Variants in PRR16 observed in about 807,000 individuals in gnomAD.
PRR16 encodes protein Largen.
Under a neutral mutation model 18.2 loss-of-function variants are expected in PRR16, and 6 were observed. The ratio of observed to expected loss-of-function variants is 0.33; its 90% CI spans 0.18 to 0.65. The LOEUF (loss-of-function observed/expected upper bound fraction) is 0.65, where lower values mean the gene tolerates loss of function less well. Ranked by LOEUF, PRR16 falls within the 30% of genes least tolerant of loss-of-function variation. The probability of loss-of-function intolerance (pLI) is 0.74; values close to 1 mark genes in which losing one functional copy is unlikely to be tolerated. For synonymous variants in PRR16, 151 were observed against 147.8 expected (o/e 1.02, Z -0.16); for missense variants, 412 against 376.6 (o/e 1.09, Z -0.78).
At chr5:120,533,510 T>C (rs1294497309) in intron 1 of PRR16, among the ~76,000 whole-genome samples, 2 of 152,204 alleles carry the variant, frequency 1.3e-5, no homozygotes, top group East Asian at 3.8e-4. Flanking sequence ...ATAAGTGCTA[T>C]TTTCAGTAGA....
At chr5:120,522,553 T>A (rs192112350) in intron 1 of PRR16, among the ~76,000 whole-genome samples, 2 of 152,290 alleles carry the variant, frequency 1.3e-5, no homozygotes, top group African/African-American at 4.8e-5. Context: ...GTTAAAGTTC[T>A]TTGTAGATTC....
At chr5:120,633,451 C>A (rs1179899731) in intron 1 of PRR16, among the ~76,000 whole-genome samples, 2 of 152,100 alleles carry the variant, frequency 1.3e-5, no homozygotes, top group Non-Finnish European at 2.9e-5. Flanking sequence ...AACTCGCCAA[C>A]CAAGTTTCTG....
downstream of PRR16, among the ~76,000 whole-genome samples, chr5:120,689,703 C>A (rs1247285953): frequency 6.7e-6 from 1 of 150,302 alleles, no homozygotes; most frequent in Non-Finnish European, 1.5e-5. Flanking sequence ...AAAAATAGGA[C>A]ATATTTCAAA....
chr5:120,537,769 GTTT>G (rs71623210), intron 1 of PRR16, among the ~76,000 whole-genome samples: 22 of 115,164 alleles, frequency 1.9e-4, no homozygotes, highest in African/African-American at 5.3e-4. Flanking sequence ...AATTTTTAAT[GTTT>G]TTTTTTTTTT....
chr5:120,758,126 G>A, the PRR16 span, among the ~76,000 whole-genome samples: 62 of 152,070 alleles, frequency 4.1e-4, no homozygotes, highest in African/African-American at 1.5e-3. Flanking sequence ...GTAGGTATTT[G>A]TAATTATGCA....
the PRR16 span, among the ~76,000 whole-genome samples, chr5:120,723,967 T>C: frequency 1.3e-4 from 20 of 151,214 alleles, no homozygotes; most frequent in Admixed American, 7.2e-4. Context: ...CAGACAATTA[T>C]GGCATTAAAA....
intron 1 of PRR16, among the ~76,000 whole-genome samples, chr5:120,636,654 G>A (rs1580814667): frequency 6.6e-6 from 1 of 151,950 alleles, no homozygotes; most frequent in Non-Finnish European, 1.5e-5. Flanking sequence ...AAAGACTTAA[G>A]TCTAAGACCT....
chr5:120,634,696 C>T (rs1755169687), intron 1 of PRR16, among the ~76,000 whole-genome samples: 1 of 151,952 alleles, frequency 6.6e-6, no homozygotes, highest in African/African-American at 2.4e-5. Flanking sequence ...GGTCAGACTT[C>T]ATGAAATTGG....
intron 1 of PRR16, among the ~76,000 whole-genome samples, chr5:120,670,348 A>G (rs1477984077): frequency 6.6e-6 from 1 of 152,104 alleles, no homozygotes. Context: ...TCTTTCTGGG[A>G]TTTGGCAACA....
At chr5:120,780,817 G>A in the PRR16 span, among the ~76,000 whole-genome samples, 3 of 152,158 alleles carry the variant, frequency 2.0e-5, no homozygotes, top group African/African-American at 4.8e-5. Context: ...CTGGGAGGCC[G>A]AGGCGGGGGG....
At chr5:120,619,847 A>G (rs969583509) in intron 1 of PRR16, among the ~76,000 whole-genome samples, 1 of 152,070 alleles carries the variant, frequency 6.6e-6, no homozygotes, top group Non-Finnish European at 1.5e-5. Context: ...TTAATAAGAC[A>G]CAGTTCTACC....
intron 1 of PRR16, among the ~76,000 whole-genome samples, chr5:120,520,971 T>A (rs1220282161): frequency 6.6e-6 from 1 of 152,184 alleles, no homozygotes; most frequent in Non-Finnish European, 1.5e-5. Context: ...ACAAGAGGCT[T>A]ATTAGAAGTG....
At chr5:120,747,268 T>A in the PRR16 span, among the ~76,000 whole-genome samples, 3 of 152,210 alleles carry the variant, frequency 2.0e-5, no homozygotes, top group African/African-American at 4.8e-5. Flanking sequence ...AACAGTTGAT[T>A]AACTGACCTA....
At chr5:120,737,025 G>A in the PRR16 span, among the ~76,000 whole-genome samples, 1 of 152,114 alleles carries the variant, frequency 6.6e-6, no homozygotes, top group South Asian at 2.1e-4. Context: ...CTACACAGAA[G>A]GTCATGTCAT....
At chr5:120,629,964 T>G (rs879690882) in intron 1 of PRR16, among the ~76,000 whole-genome samples, 1 of 152,042 alleles carries the variant, frequency 6.6e-6, no homozygotes, top group Non-Finnish European at 1.5e-5. Flanking sequence ...GTTTTCAAGA[T>G]CTTTTATTTT....
chr5:120,670,848 A>G (rs1011654996), intron 1 of PRR16, among the ~76,000 whole-genome samples: 6 of 152,092 alleles, frequency 3.9e-5, no homozygotes, highest in Admixed American at 1.3e-4. Flanking sequence ...GTAATCTCCC[A>G]ATTTGTATCA....
chr5:120,530,281 A>ATATATATATATATATATT (rs1447791509), intron 1 of PRR16, among the ~76,000 whole-genome samples: 5 of 92,682 alleles, frequency 5.4e-5, no homozygotes, highest in African/African-American at 8.5e-5. Flanking sequence ...ATATATATAT[A>ATATATATATATATATATT]TATTTATTTA....
the PRR16 span, among the ~76,000 whole-genome samples, chr5:120,781,015 C>T: frequency 6.6e-6 from 1 of 152,010 alleles, no homozygotes; most frequent in Non-Finnish European, 1.5e-5. Context: ...GCGCCACTGC[C>T]CTTCAGCCTG....
intron 1 of PRR16, chr5:120,618,378 A>C: frequency 1.3e-6 from 1 of 756,976 alleles, no homozygotes; most frequent in Non-Finnish European, 1.6e-6. Context: ...TAGTGATTTT[A>C]AGAATGTAAT....
Sources: gnomAD v4.1 joint callset for allele counts (sites outside exome capture counted in the v4.1 genomes callset) on GRCh38, gnomAD v4.1.1 for gene constraint, MANE v1.5 for transcripts, NCBI Gene and HGNC (gene_info 2026-07-23, HGNC 2026-07-21) for gene names.